Variants in VPS13B observed in about 807,000 individuals in gnomAD.
VPS13B encodes the protein intermembrane lipid transfer protein VPS13B.
In VPS13B, 285 loss-of-function variants were observed where a neutral mutation model predicts 426.4. That is an observed-to-expected ratio of 0.67 (90% CI 0.61 to 0.74). The LOEUF is 0.74. Ranked by LOEUF, VPS13B falls within the 30% of genes least tolerant of loss-of-function variation. The pLI is 0.00. For missense variants in VPS13B, 4,537 were observed against 4,782.6 expected, an observed-to-expected ratio of 0.95 and a Z score of 1.51; for synonymous variants, 1,676 against 1,676.4, an observed-to-expected ratio of 1.00 and a Z score of 0.01.
At chr8:99,419,531 G>T (rs374569583) in intron 21 of VPS13B, among the ~76,000 whole-genome samples, 1 of 152,052 alleles carries the variant, frequency 6.6e-6, no homozygotes, top group Non-Finnish European at 1.5e-5. Context: ...TTTTCTAGAG[G>T]TTTTTAATTT....
chr8:99,065,770 C>T lies in VPS13B; in HGVS notation c.291+27204C>T, dbSNP rs1333811546. Among the ~76,000 whole-genome samples the T allele has an allele frequency of 2.0e-5, 3 of 152,130 alleles. No individual in the cohort carries two copies. In the East Asian group the frequency reaches 5.8e-4, roughly 29 times the overall value. Reference sequence around the variant, plus strand: ...ATTTAGAAAACCCCATTGTCTCAGCCCAAAATCTCCTTAAGCTGATAAGCA... The same window carrying T: ...ATTTAGAAAACCCCATTGTCTCAGCTCAAAATCTCCTTAAGCTGATAAGCA... On this transcript the variant is annotated intron_variant, in intron 3 of 61. Transcript: ENST00000357162.
chr8:99,421,376 T>A (rs914978686), intron 21 of VPS13B, among the ~76,000 whole-genome samples: 5 of 152,252 alleles, frequency 3.3e-5, no homozygotes, highest in Middle Eastern at 3.2e-3. Context: ...GTAAATCTGA[T>A]GTTTTCTGAA....
intron 29 of VPS13B, among the ~76,000 whole-genome samples, chr8:99,514,469 A>G (rs1392204301): frequency 6.6e-6 from 1 of 152,048 alleles, no homozygotes; most frequent in Non-Finnish European, 1.5e-5. Context: ...GGTAACCTCT[A>G]ATCTATTTTC....
rs373277957 is a variant in VPS13B at position 99,018,754 on chromosome 8, A to T, written c.147+4819A>T. ...TATAAATAACCTTTACTGAGTTGAG[A>T]TTCTTTTCTATTAATGATTTTCCAA... On this transcript the variant is annotated intron_variant, in intron 2 of 61. Transcript: ENST00000357162. 1.3e-4 allele frequency among the ~76,000 whole-genome samples: 19 copies of T among 142,168 alleles called. No homozygotes were observed. The East Asian group carries it at 2.6e-3, about 20-fold the overall frequency. The allele number at this position is 142,168 out of a possible 152,430, so 93.3% of individuals were successfully genotyped here. A position where few individuals can be genotyped will look rare whatever the true frequency, so the allele number is the denominator to read the frequency against.
At chr8:99,523,492 C>T (rs554535282) in intron 30 of VPS13B, among the ~76,000 whole-genome samples, 36 of 152,346 alleles carry the variant, frequency 2.4e-4, no homozygotes, top group Admixed American at 1.9e-3. Context: ...GTCACACACA[C>T]ACCCACACCC....
intron 33 of VPS13B, among the ~76,000 whole-genome samples, chr8:99,603,615 A>G (rs1425126374): frequency 6.6e-6 from 1 of 152,210 alleles, no homozygotes; most frequent in East Asian, 1.9e-4. Flanking sequence ...ACACTGGACA[A>G]AGGGATGATT....
intron 3 of VPS13B, among the ~76,000 whole-genome samples, chr8:99,090,868 T>C (rs889989472): frequency 1.3e-5 from 2 of 152,104 alleles, no homozygotes; most frequent in South Asian, 2.1e-4. Context: ...TTTTTTTTTC[T>C]TCCTCCCTGA....
intron 41 of VPS13B, among the ~76,000 whole-genome samples, chr8:99,777,394 C>T (rs759628638): frequency 2.0e-5 from 3 of 152,130 alleles, no homozygotes; most frequent in Non-Finnish European, 4.4e-5. Flanking sequence ...TCACGTCTTA[C>T]ATGGAAGGCA....
intron 51 of VPS13B, among the ~76,000 whole-genome samples, chr8:99,829,752 G>T (rs1201443928): frequency 2.0e-5 from 3 of 152,192 alleles, no homozygotes; most frequent in Non-Finnish European, 2.9e-5. Flanking sequence ...TTTGGTCTTT[G>T]ATGCTGGTGA....
chr8:99,519,332 G>A (rs1822250068), intron 29 of VPS13B, among the ~76,000 whole-genome samples: 1 of 152,152 alleles, frequency 6.6e-6, no homozygotes, highest in Non-Finnish European at 1.5e-5. Context: ...GGAGAAATAG[G>A]AACACTTTTA....
intron 18 of VPS13B, among the ~76,000 whole-genome samples, 161 bp from the exon 19 acceptor site, chr8:99,274,920 A>C (rs1009534584): frequency 6.6e-6 from 1 of 152,174 alleles, no homozygotes; most frequent in African/African-American, 2.4e-5. Context: ...AGAGTTAAAA[A>C]TGCTTTACAT....
Position 99,064,946 on chromosome 8 carries a change from C to T in VPS13B, c.291+26380C>T, listed in dbSNP as rs191543635. Among the ~76,000 whole-genome samples, 926 of 152,170 alleles carry T rather than the reference C, an allele frequency of 6.1e-3. 13 individuals are homozygous for T. Among genetic ancestry groups the T allele is most frequent in the African/African-American group, 0.021 (880 of 41,494 alleles). On this transcript the variant is annotated intron_variant, in intron 3 of 61. Coordinates refer to ENST00000357162, the MANE Select transcript of VPS13B (RefSeq NM_152564.5). ...TCTACAAGCCAGAAGAGAGTGGGGG[C>T]CAATATTCAACATTCTTAAAGAAAA... is the stretch of plus-strand genomic sequence containing the variant.
chr8:99,060,625 A>AT (rs1563513848), intron 3 of VPS13B, among the ~76,000 whole-genome samples: 1 of 151,614 alleles, frequency 6.6e-6, no homozygotes, highest in Non-Finnish European at 1.5e-5. Context: ...AAAAAAAAAA[A>AT]TTGATTTAAA....
intron 17 of VPS13B, among the ~76,000 whole-genome samples, chr8:99,247,897 A>G (rs1319634918): frequency 1.3e-5 from 2 of 152,174 alleles, no homozygotes; most frequent in Non-Finnish European, 2.9e-5. Context: ...GAGAGTCTTT[A>G]TATGCATTGG....
intron 6 of VPS13B, among the ~76,000 whole-genome samples, chr8:99,113,108 CT>C (rs1563547393): frequency 6.8e-6 from 1 of 147,038 alleles, no homozygotes; most frequent in African/African-American, 2.5e-5. Flanking sequence ...TTTCTTTCTC[CT>C]TTTTTCTTTA....
intron 30 of VPS13B, among the ~76,000 whole-genome samples, chr8:99,542,472 C>T (rs2133730239): frequency 6.6e-6 from 1 of 152,044 alleles, no homozygotes; most frequent in South Asian, 2.1e-4. Flanking sequence ...AGAAGGTGGT[C>T]AGAAAATAGA....
chr8:99,204,500 T>C (rs1313906872), intron 17 of VPS13B, among the ~76,000 whole-genome samples: 1 of 152,164 alleles, frequency 6.6e-6, no homozygotes, highest in Non-Finnish European at 1.5e-5. Flanking sequence ...AAAGCCAAAA[T>C]TGACAAATGG....
chr8:99,626,918 A>G (rs1828638936), intron 33 of VPS13B, among the ~76,000 whole-genome samples: 1 of 151,520 alleles, frequency 6.6e-6, no homozygotes, highest in Admixed American at 6.7e-5. Context: ...GTATATGTCA[A>G]CAATGGAATA....
intron 2 of VPS13B, among the ~76,000 whole-genome samples, chr8:99,034,465 G>A (rs1273033249): frequency 1.3e-5 from 2 of 149,940 alleles, no homozygotes; most frequent in Non-Finnish European, 3.0e-5. Context: ...TGGTTAACTC[G>A]AAATGAGTAG....
Sources: allele counts gnomAD v4.1 joint callset (sites outside exome capture counted in the v4.1 genomes callset), GRCh38; gene constraint gnomAD v4.1.1; transcripts MANE v1.5; gene names NCBI Gene and HGNC (gene_info 2026-07-23, HGNC 2026-07-21).